Variants in JAK1 observed in about 807,000 individuals in gnomAD.
JAK1 encodes the protein tyrosine-protein kinase JAK1.
JAK1 carries 16 observed loss-of-function variants against 136.6 expected under a neutral mutation model. The ratio of observed to expected loss-of-function variants is 0.12; its 90% CI spans 0.08 to 0.18. The LOEUF (loss-of-function observed/expected upper bound fraction) is 0.18, where lower values mean the gene tolerates loss of function less well. Among genes scored for constraint, JAK1 ranks in the 10% least tolerant of loss-of-function variants. JAK1 has a pLI of 1.00. For missense variants in JAK1, 859 were observed against 1,450.1 expected (o/e 0.59, Z 6.62); for synonymous variants, 492 against 519.5 (o/e 0.95, Z 0.72).
chr1:64,902,581 A>AGTGT (rs1394514935), intron 1 of JAK1, among the ~76,000 whole-genome samples: 161 of 14,810 alleles, frequency 0.011, no homozygotes, highest in Middle Eastern at 0.062. Flanking sequence ...AGAGAGAGAG[A>AGTGT]GAGTGTGTGT....
At chr1:64,985,877 A>G in intron 2 of JAK1, 1 of 637,732 alleles carries the variant, frequency 1.6e-6, no homozygotes, top group Non-Finnish European at 2.8e-6. Context: ...TAATCATACA[A>G]CCAATGGAGA....
chr1:65,000,375 T>C (rs1646744217), intron 2 of JAK1, among the ~76,000 whole-genome samples: 1 of 152,034 alleles, frequency 6.6e-6, no homozygotes. Flanking sequence ...AGATGAGTCC[T>C]GCCTGTAATC....
At chr1:64,967,497 T>A (rs954792813), upstream of JAK1, among the ~76,000 whole-genome samples, 1 of 152,114 alleles carries the variant, frequency 6.6e-6, no homozygotes, top group African/African-American at 2.4e-5. Flanking sequence ...CCCCTGACAA[T>A]CCCTGGATGA....
In JAK1 at chr1:64,838,483, A is replaced by G. The variant is rs1229066454; in HGVS notation, c.2949T>C (p.Tyr983=). ...TTTTTACCTTACAAATCTGAACGGC[A>G]TATTTTAGCTGCTGTTTGAGGTTTA... The part of the protein sequence containing the change: ...NKINLKQQLK[Y]AVQICKGMDY... Residue 983 remains tyrosine, a synonymous_variant, in exon 21 of 25, where the codon TAT becomes TAC. Coordinates refer to ENST00000342505, the MANE Select transcript of JAK1 (RefSeq NM_002227.4). 5 of 1,613,994 alleles carry G rather than the reference A, an allele frequency of 3.1e-6. No homozygotes were observed. Among genetic ancestry groups the G allele is most frequent in the Non-Finnish European group, 1.7e-6 (2 of 1,179,968 alleles).
chr1:64,919,270 G>A (rs1345277100), intron 1 of JAK1, among the ~76,000 whole-genome samples: 1 of 152,156 alleles, frequency 6.6e-6, no homozygotes, highest in African/African-American at 2.4e-5. Flanking sequence ...TGCGGTGTTT[G>A]GTTTTTTGTC....
intron 2 of JAK1, among the ~76,000 whole-genome samples, chr1:65,025,410 A>G (rs1414125840): frequency 6.6e-6 from 1 of 152,196 alleles, no homozygotes; most frequent in Admixed American, 6.5e-5. Context: ...TGTCCACTAC[A>G]GTGCTTCCCA....
chr1:64,922,560 A>G (rs1189786581), intron 1 of JAK1, among the ~76,000 whole-genome samples: 3 of 152,174 alleles, frequency 2.0e-5, no homozygotes, highest in Non-Finnish European at 4.4e-5. Flanking sequence ...AACATTTAGT[A>G]TGATTTAGGT....
intron 1 of JAK1, among the ~76,000 whole-genome samples, chr1:64,886,603 T>C (rs1331956351): frequency 6.6e-6 from 1 of 152,168 alleles, no homozygotes; most frequent in African/African-American, 2.4e-5. Flanking sequence ...CTTCCCGATA[T>C]GGAGTGTCCT....
At chr1:64,840,711 A>G (rs928706483) in intron 19 of JAK1, among the ~76,000 whole-genome samples, 2 of 152,128 alleles carry the variant, frequency 1.3e-5, no homozygotes, top group African/African-American at 4.8e-5. Flanking sequence ...GTGTGCCTGT[A>G]GTTCCAGCTA....
At chr1:65,052,717 G>C (rs1647336586) in intron 1 of JAK1, among the ~76,000 whole-genome samples, 1 of 152,020 alleles carries the variant, frequency 6.6e-6, no homozygotes, top group Non-Finnish European at 1.5e-5. Flanking sequence ...GGGAGGCTGA[G>C]GCAGGAGAAT....
At position 64,873,358 on chromosome 1, in the gene JAK1, C is replaced by T. The variant is rs779576422; in HGVS notation, c.483+12G>A. ...CACAAACTCCAGCTTCTCCTGGGCC[C>T]AAACTTCCTACCTGAGCAAACAGAT... is the stretch of plus-strand genomic sequence containing the variant. On this transcript the variant is annotated intron_variant, in intron 5 of 24. Transcript: ENST00000342505. 6.2e-7 allele frequency: 1 copy of T among 1,614,020 alleles called. No individual in the cohort carries two copies. Among genetic ancestry groups the T allele is most frequent in the South Asian group, 1.1e-5 (1 of 91,066 alleles).
chr1:64,835,233 G>A (rs945562890), intron 24 of JAK1, among the ~76,000 whole-genome samples, 163 bp downstream of exon 24: 4 of 152,190 alleles, frequency 2.6e-5, no homozygotes, highest in Non-Finnish European at 4.4e-5. Flanking sequence ...CCCCAAAGGC[G>A]ATTTCTCAGT....
chr1:64,934,106 G>A (rs761776596), intron 1 of JAK1, among the ~76,000 whole-genome samples: 8 of 150,386 alleles, frequency 5.3e-5, no homozygotes, highest in Non-Finnish European at 1.2e-4. Flanking sequence ...AGGGGACAGG[G>A]TATCTTAGGA....
At chr1:64,887,727 G>C (rs1381102411) in intron 1 of JAK1, among the ~76,000 whole-genome samples, 1 of 152,222 alleles carries the variant, frequency 6.6e-6, no homozygotes, top group Non-Finnish European at 1.5e-5. Context: ...GGGACATTGA[G>C]TTAAGATGCA....
At chr1:65,019,453 ACC>A (rs34198843) in intron 2 of JAK1, among the ~76,000 whole-genome samples, 16 of 130,514 alleles carry the variant, frequency 1.2e-4, no homozygotes, top group African/African-American at 3.0e-4. Context: ...AACCCATATG[ACC>A]CCCCCCCCAA....
Position 64,850,929 on chromosome 1 carries a change from G to GA in JAK1, c.1649-20dup. 1 of 1,542,840 alleles carries GA rather than the reference G, an allele frequency of 6.5e-7. No individual in the cohort carries two copies. Among genetic ancestry groups the GA allele is most frequent in the Non-Finnish European group, 9.0e-7 (1 of 1,115,446 alleles). On this transcript the variant is annotated intron_variant, in intron 11 of 24. Coordinates refer to ENST00000342505, the MANE Select transcript of JAK1 (RefSeq NM_002227.4). ...GAGATTTCTGTGGAAGAGATTGGGG[G>GA]AGTCTGAGCACAGCACCCAAGATCC... is the stretch of plus-strand genomic sequence containing the variant.
At chr1:65,015,714 T>C (rs1646887164) in intron 2 of JAK1, among the ~76,000 whole-genome samples, 1 of 152,208 alleles carries the variant, frequency 6.6e-6, no homozygotes, top group South Asian at 2.1e-4. Flanking sequence ...TCCAAAAGAA[T>C]TGGCATTTTT....
At chr1:65,012,855 A>C (rs1193544913) in intron 2 of JAK1, among the ~76,000 whole-genome samples, 1 of 151,034 alleles carries the variant, frequency 6.6e-6, no homozygotes, top group Non-Finnish European at 1.5e-5. Flanking sequence ...GCACTTGGGG[A>C]GGCCAAGGCA....
At chr1:65,053,053 A>AAGAAAG (rs1647361075) in intron 1 of JAK1, among the ~76,000 whole-genome samples, 1 of 133,716 alleles carries the variant, frequency 7.5e-6, no homozygotes. Context: ...AAAAAAAAAA[A>AAGAAAG]AAAGACTAGA....
Sources: allele counts gnomAD v4.1 joint callset (sites outside exome capture counted in the v4.1 genomes callset), GRCh38; gene constraint gnomAD v4.1.1; transcripts MANE v1.5; gene names NCBI Gene and HGNC (gene_info 2026-07-23, HGNC 2026-07-21).